Variants in ZPBP observed in about 807,000 individuals in gnomAD.
ZPBP encodes the protein zona pellucida-binding protein 1.
ZPBP carries 26 observed loss-of-function variants against 44.8 expected under a neutral mutation model. The observed-to-expected ratio is 0.58, with a 90% CI of 0.43 to 0.81. The LOEUF is 0.81. Among genes scored for constraint, ZPBP ranks in the 30% least tolerant of loss-of-function variants. ZPBP has a pLI of 0.00. For missense variants in ZPBP, 409 were observed against 434.0 expected, an observed-to-expected ratio of 0.94 and a Z score of 0.51; for synonymous variants, 174 against 153.2, an observed-to-expected ratio of 1.14 and a Z score of -1.00.
chr7:49,910,766 G>A (rs1793364815), intron 1 of ZPBP, among the ~76,000 whole-genome samples: 1 of 152,132 alleles, frequency 6.6e-6, no homozygotes, highest in South Asian at 2.1e-4. Context: ...AATTCTCATG[G>A]AAAACTGTGA....
intron 2 of ZPBP, among the ~76,000 whole-genome samples, chr7:49,862,272 A>C (rs2128720569): frequency 6.6e-6 from 1 of 152,096 alleles, no homozygotes; most frequent in Non-Finnish European, 1.5e-5. Context: ...TTTTCAAATT[A>C]TTCATTGCCA....
chr7:50,057,547 T>C (rs1211605287), intron 4 of ZPBP, among the ~76,000 whole-genome samples: 1 of 152,188 alleles, frequency 6.6e-6, no homozygotes, highest in East Asian at 1.9e-4. Flanking sequence ...CTTACACATA[T>C]CAACTGAGCT....
intron 7 of ZPBP, among the ~76,000 whole-genome samples, chr7:49,962,667 C>T (rs985024609): frequency 5.3e-5 from 8 of 151,596 alleles, no homozygotes; most frequent in Admixed American, 4.6e-4. Context: ...GCAAATAGAT[C>T]TTAAGAAAAA....
intron 6 of ZPBP, among the ~76,000 whole-genome samples, chr7:49,987,728 T>TTGTGTGTG (rs55971066): frequency 1.4e-5 from 2 of 145,544 alleles, no homozygotes; most frequent in African/African-American, 2.6e-5. Flanking sequence ...TATATATGTG[T>TTGTGTGTG]TGTGTGTGTG....
chr7:49,896,845 A>G (rs994293004), intron 2 of ZPBP, among the ~76,000 whole-genome samples: 1 of 152,028 alleles, frequency 6.6e-6, no homozygotes, highest in Non-Finnish European at 1.5e-5. Flanking sequence ...ATATGAAATA[A>G]TTCGCTTGAG....
At chr7:49,843,564 A>C in the ZPBP span, among the ~76,000 whole-genome samples, 155 of 152,310 alleles carry the variant, frequency 1.0e-3, 1 homozygote, top group African/African-American at 3.7e-3. Context: ...ACAAAAAACT[A>C]ATCATTCAAT....
At chr7:49,956,002 G>A (rs1795573407) in intron 7 of ZPBP, among the ~76,000 whole-genome samples, 1 of 152,122 alleles carries the variant, frequency 6.6e-6, no homozygotes, top group South Asian at 2.1e-4. Flanking sequence ...TCATTTTGTT[G>A]TTATGGTCTA....
At chr7:49,865,061 A>C (rs1420658462) in intron 2 of ZPBP, among the ~76,000 whole-genome samples, 1 of 152,142 alleles carries the variant, frequency 6.6e-6, no homozygotes, top group African/African-American at 2.4e-5. Flanking sequence ...TATTTTTTGT[A>C]AAGAATTGTA....
intron 7 of ZPBP, among the ~76,000 whole-genome samples, chr7:49,940,133 C>T (rs1278872525): frequency 6.6e-6 from 1 of 152,132 alleles, no homozygotes; most frequent in African/African-American, 2.4e-5. Flanking sequence ...GAAAGCCAAA[C>T]CCTCTCTTTG....
intron 1 of ZPBP, chr7:49,921,431 T>G (rs1386168865): frequency 6.6e-6 from 1 of 152,240 alleles, no homozygotes; most frequent in Non-Finnish European, 1.5e-5. Flanking sequence ...TGCTTTAATG[T>G]AACTTGGCAG....
At chr7:49,895,543 A>G (rs1429416204) in intron 2 of ZPBP, among the ~76,000 whole-genome samples, 2 of 152,346 alleles carry the variant, frequency 1.3e-5, no homozygotes, top group East Asian at 1.9e-4. Flanking sequence ...TCAGCTGTCC[A>G]TGAGGCAAGA....
intron 6 of ZPBP, among the ~76,000 whole-genome samples, chr7:49,983,959 C>T (rs2128782490): frequency 6.6e-6 from 1 of 152,090 alleles, no homozygotes; most frequent in East Asian, 1.9e-4. Context: ...TAACTTCTAG[C>T]TCTGTTTCAA....
intron 7 of ZPBP, among the ~76,000 whole-genome samples, chr7:49,967,989 C>T (rs1435353998): frequency 6.6e-6 from 1 of 151,572 alleles, no homozygotes; most frequent in Non-Finnish European, 1.5e-5. Context: ...ACTTGTGTAA[C>T]CAAAACAGTA....
intron 3 of ZPBP, among the ~76,000 whole-genome samples, chr7:50,066,143 C>A (rs1357431586): frequency 6.6e-6 from 1 of 150,926 alleles, no homozygotes; most frequent in East Asian, 1.9e-4. Context: ...CCATTGCAGA[C>A]TGCTTCTGAT....
chr7:49,928,695 C>T (rs961972018), intron 1 of ZPBP, among the ~76,000 whole-genome samples: 6 of 152,156 alleles, frequency 3.9e-5, no homozygotes, highest in Admixed American at 2.0e-4. Flanking sequence ...CCCTCGGGAC[C>T]TGCTTGAGCC....
chr7:49,990,599 A>G (rs1318682656), intron 6 of ZPBP, among the ~76,000 whole-genome samples: 2 of 142,022 alleles, frequency 1.4e-5, no homozygotes, highest in Non-Finnish European at 3.0e-5. Context: ...GAAAAGCTTT[A>G]TAGAGGGATT....
chr7:50,089,346 C>T (rs979534307), intron 2 of ZPBP, among the ~76,000 whole-genome samples: 3 of 152,034 alleles, frequency 2.0e-5, no homozygotes, highest in Non-Finnish European at 2.9e-5. Flanking sequence ...GCACTATATA[C>T]ATTTAATATT....
chr7:49,928,897 C>T (rs1794349266), intron 1 of ZPBP, among the ~76,000 whole-genome samples: 1 of 152,218 alleles, frequency 6.6e-6, no homozygotes, highest in African/African-American at 2.4e-5. Flanking sequence ...TAGTTATCTA[C>T]AAAGAATAGC....
intron 2 of ZPBP, among the ~76,000 whole-genome samples, chr7:50,086,576 T>C (rs1802662360): frequency 6.6e-6 from 1 of 151,948 alleles, no homozygotes; most frequent in Non-Finnish European, 1.5e-5. Flanking sequence ...AATGGGAAAT[T>C]AACTAGAAGG....
Sources: allele counts gnomAD v4.1 joint callset (sites outside exome capture counted in the v4.1 genomes callset), GRCh38; gene constraint gnomAD v4.1.1; transcripts MANE v1.5; gene names NCBI Gene and HGNC (gene_info 2026-07-23, HGNC 2026-07-21).